CDH12: variants seen among roughly 807,000 people sequenced by gnomAD.
CDH12 encodes cadherin 12, also known as cadherin-12.
A neutral mutation model predicts 74.1 loss-of-function variants in CDH12; 41 were observed. The ratio of observed to expected loss-of-function variants is 0.55; its 90% confidence interval spans 0.43 to 0.72. CDH12 has a LOEUF of 0.72. CDH12 is among the 30% of genes least tolerant of loss of function. The pLI, the probability that CDH12 is intolerant of heterozygous loss-of-function variation, is 0.00. For missense variants in CDH12, 945 were observed against 977.2 expected, an observed-to-expected ratio of 0.97 and a Z score of 0.44; for synonymous variants, 399 against 355.0, an observed-to-expected ratio of 1.12 and a Z score of -1.39.
intron 6 of CDH12, among the ~76,000 whole-genome samples, chr5:21,898,783 T>A (rs1753248844): frequency 6.6e-6 from 1 of 152,020 alleles, no homozygotes; most frequent in South Asian, 2.1e-4. Context: ...TGAAAAAAGT[T>A]TGAGATAGAT....
At chr5:22,178,568 T>C (rs1452251584) in intron 4 of CDH12, among the ~76,000 whole-genome samples, 1 of 152,182 alleles carries the variant, frequency 6.6e-6, no homozygotes, top group Admixed American at 6.6e-5. Flanking sequence ...CTGAAATTGC[T>C]AGATAAATGC....
rs549421572 is a variant in CDH12, at chr5:22,377,829, T to C, written c.-333+27428A>G. Among the ~76,000 whole-genome samples, 61 of 152,308 alleles carry C rather than the reference T, an allele frequency of 4.0e-4. 3 individuals are homozygous for C. The South Asian group carries it at 0.011, about 26-fold the overall frequency. Reference sequence around the variant, plus strand: ...ATTCCTAACAGTAAAAACTCACTGATGCATCATTTAATTTAGTGGGCAAGG... The same window carrying C: ...ATTCCTAACAGTAAAAACTCACTGACGCATCATTTAATTTAGTGGGCAAGG... On this transcript the variant is annotated intron_variant, in intron 3 of 14. Coordinates refer to ENST00000382254, the MANE Select transcript of CDH12 (RefSeq NM_004061.5).
intron 6 of CDH12, among the ~76,000 whole-genome samples, chr5:21,893,175 C>T (rs574749300): frequency 1.3e-5 from 2 of 152,274 alleles, no homozygotes; most frequent in East Asian, 3.9e-4. Context: ...GAGTTTTGAT[C>T]ATTGCCTTTC....
intron 1 of CDH12, among the ~76,000 whole-genome samples, chr5:22,714,965 C>G (rs189854356): frequency 6.6e-6 from 1 of 152,128 alleles, no homozygotes; most frequent in Non-Finnish European, 1.5e-5. Flanking sequence ...GGCTGGAATA[C>G]TGGTGCATCT....
At chr5:22,549,379 G>A (rs1738468579) in intron 1 of CDH12, among the ~76,000 whole-genome samples, 1 of 151,416 alleles carries the variant, frequency 6.6e-6, no homozygotes, top group Admixed American at 6.6e-5. Context: ...TTTTCTTGAG[G>A]AAATAATAAA....
At chr5:22,067,020 A>T (rs1478126963) in intron 5 of CDH12, among the ~76,000 whole-genome samples, 2 of 152,194 alleles carry the variant, frequency 1.3e-5, no homozygotes, top group Admixed American at 6.5e-5. Flanking sequence ...GACCACCATT[A>T]GCAGTTTGCT....
chr5:22,113,065 G>T (rs943018906), intron 4 of CDH12, among the ~76,000 whole-genome samples: 18 of 152,082 alleles, frequency 1.2e-4, no homozygotes, highest in African/African-American at 4.3e-4. Context: ...AAAGGGGCCT[G>T]GGGAGTCATG....
intron 1 of CDH12, among the ~76,000 whole-genome samples, chr5:22,824,794 A>G (rs1159584081): frequency 2.6e-5 from 4 of 151,858 alleles, no homozygotes; most frequent in Non-Finnish European, 5.9e-5. Flanking sequence ...GTCAGATTGT[A>G]TTTTAAACAA....
chr5:22,001,006 G>C (rs1561009005), intron 5 of CDH12, among the ~76,000 whole-genome samples: 1 of 151,974 alleles, frequency 6.6e-6, no homozygotes. Context: ...AGAAAATAAA[G>C]GCCAAGACAT....
chr5:22,438,854 T>C (rs992232195), intron 2 of CDH12, among the ~76,000 whole-genome samples: 4 of 151,718 alleles, frequency 2.6e-5, no homozygotes, highest in African/African-American at 9.7e-5. Flanking sequence ...TATAAAAAAT[T>C]GAATAATATC....
chr5:21,867,717 G>A (rs1413182204), intron 6 of CDH12, among the ~76,000 whole-genome samples: 1 of 152,206 alleles, frequency 6.6e-6, no homozygotes, highest in Non-Finnish European at 1.5e-5. Context: ...CAGGTTCATA[G>A]GTGGAAGGGA....
chr5:21,757,751 T>G (rs890817560), intron 13 of CDH12, among the ~76,000 whole-genome samples: 2 of 151,636 alleles, frequency 1.3e-5, no homozygotes, highest in Non-Finnish European at 2.9e-5. Flanking sequence ...TTGTGGAAAA[T>G]AGTCAACACT....
intron 4 of CDH12, among the ~76,000 whole-genome samples, chr5:22,098,293 T>G (rs546487970): frequency 1.3e-5 from 2 of 152,028 alleles, no homozygotes; most frequent in Admixed American, 1.3e-4. Flanking sequence ...TAAAAACACA[T>G]GTGCTCTCCA....
intron 1 of CDH12, among the ~76,000 whole-genome samples, chr5:22,559,925 T>C (rs950352203): frequency 6.6e-6 from 1 of 152,174 alleles, no homozygotes; most frequent in Non-Finnish European, 1.5e-5. Context: ...AAAGACTTTG[T>C]TTTATTTTGT....
In CDH12 at chr5:22,808,616, T is replaced by G. The variant is rs554860681; in HGVS notation, c.-523+44442A>C. 7.1e-4 allele frequency among the ~76,000 whole-genome samples: 105 copies of G among 147,504 alleles called. 2 individuals carry two copies. The South Asian group carries it at 0.023, about 32-fold the overall frequency. On this transcript the variant is annotated intron_variant, in intron 1 of 14. Transcript: ENST00000382254. The stretch of plus-strand genomic sequence containing the variant: ...TTTTCTTTTCTTGTCTTTTTTTTTT[T>G]TTTTTTTTGAGATGGAGTCTCGCTT...
chr5:22,224,222 T>C (rs1312222800), intron 3 of CDH12, among the ~76,000 whole-genome samples: 1 of 152,074 alleles, frequency 6.6e-6, no homozygotes, highest in East Asian at 1.9e-4. Flanking sequence ...TAACATGTTC[T>C]TTTTATACTG....
intron 3 of CDH12, among the ~76,000 whole-genome samples, chr5:22,346,645 T>C (rs567003929): frequency 9.9e-5 from 15 of 152,284 alleles, no homozygotes; most frequent in African/African-American, 3.4e-4. Flanking sequence ...GTACGTGGCA[T>C]GAAAGTTGAA....
chr5:22,047,022 C>A (rs1034554224), intron 5 of CDH12, among the ~76,000 whole-genome samples: 6 of 152,192 alleles, frequency 3.9e-5, no homozygotes, highest in African/African-American at 1.4e-4. Context: ...CTCCCCAACA[C>A]TTTCAAGCCT....
At chr5:22,297,617 G>A (rs961678) in intron 3 of CDH12, among the ~76,000 whole-genome samples, 51,795 of 152,054 alleles carry the variant, frequency 0.34, 9,301 homozygotes, top group East Asian at 0.48. Flanking sequence ...TACAACATGC[G>A]ATTGTATTTG....
Sources: allele counts gnomAD v4.1 joint callset (sites outside exome capture counted in the v4.1 genomes callset), GRCh38; gene constraint gnomAD v4.1.1; transcripts MANE v1.5; gene names NCBI Gene and HGNC (gene_info 2026-07-23, HGNC 2026-07-21).